Variants in CHST9 observed in about 807,000 individuals in gnomAD.
CHST9 encodes GalNAc-4-sulfotransferase 2.
In CHST9, 41 loss-of-function variants were observed where a neutral mutation model predicts 44.4. The ratio of observed to expected loss-of-function variants is 0.92; its 90% CI spans 0.72 to 1.20. The LOEUF is 1.20. Among genes scored for constraint, CHST9 ranks in the 50% most tolerant of loss-of-function variants. CHST9 has a pLI of 0.00. For synonymous variants in CHST9, 171 were observed against 178.4 expected (o/e 0.96, Z 0.33); for missense variants, 504 against 516.5 (o/e 0.98, Z 0.23).
intron 2 of CHST9, among the ~76,000 whole-genome samples, chr18:27,141,079 C>T (rs893193392): frequency 1.3e-5 from 2 of 152,042 alleles, no homozygotes; most frequent in East Asian, 1.9e-4. Flanking sequence ...CGAGCCTGGG[C>T]GGGGCACGGT....
At position 27,097,581 on chromosome 18, in the gene CHST9, G is replaced by T. The variant is rs578107569; in HGVS notation, c.121+45108C>A. On this transcript the variant is annotated intron_variant, in intron 2 of 5. Coordinates refer to ENST00000618847, the MANE Select transcript of CHST9 (RefSeq NM_031422.6). Reference sequence around the variant, plus strand: ...ATAAAATCAATATAAAAGTTCTTTAGTTTGATTAGATCACATTTGTCAGTT... The same window carrying T: ...ATAAAATCAATATAAAAGTTCTTTATTTTGATTAGATCACATTTGTCAGTT... 6.6e-5 allele frequency among the ~76,000 whole-genome samples: 10 copies of T among 152,140 alleles called. 1 individual carries two copies. In the South Asian group the frequency reaches 1.7e-3, roughly 25 times the overall value.
chr18:26,941,324 C>T (rs1288746091), intron 5 of CHST9, among the ~76,000 whole-genome samples: 1 of 152,120 alleles, frequency 6.6e-6, no homozygotes, highest in Non-Finnish European at 1.5e-5. Context: ...TGCACAAACA[C>T]AAGGTATTAA....
intron 2 of CHST9, among the ~76,000 whole-genome samples, chr18:27,086,175 T>C (rs2058010647): frequency 6.6e-6 from 1 of 152,110 alleles, no homozygotes; most frequent in African/African-American, 2.4e-5. Context: ...ACTGTGATCA[T>C]TGCCTGGATG....
At chr18:26,974,973 C>A (rs1334888383) in intron 4 of CHST9, among the ~76,000 whole-genome samples, 3 of 152,178 alleles carry the variant, frequency 2.0e-5, no homozygotes, top group African/African-American at 7.2e-5. Context: ...CTGCGCCCAG[C>A]CCAGGCGTAC....
Position 26,915,598 on chromosome 18 carries a change from T to G in CHST9, c.*661A>C, listed in dbSNP as rs1249962097. On this transcript the variant is annotated 3_prime_UTR_variant, in exon 6 of 6. Transcript: ENST00000618847. ...TCAAAAGAAAACAGAATCAATTCCC[T>G]TAAGTTTTTCTGGAAGAAGAAGGTT... is the stretch of plus-strand genomic sequence containing the variant. The G allele has an allele frequency of 6.6e-6, 1 of 152,186 alleles. No individual in the cohort carries two copies. The highest frequency in any genetic ancestry group is 1.5e-5 in the Non-Finnish European group (1 of 68,022). The allele number at this position is 152,186 out of a possible 1,614,324, so 9.4% of individuals were successfully genotyped here.
intron 4 of CHST9, among the ~76,000 whole-genome samples, chr18:26,994,513 C>T (rs2056862068): frequency 6.6e-6 from 1 of 152,134 alleles, no homozygotes; most frequent in African/African-American, 2.4e-5. Flanking sequence ...TCCCAAATGG[C>T]TCTCAGTGGT....
chr18:27,119,106 T>C (rs918262168), intron 2 of CHST9, among the ~76,000 whole-genome samples: 60 of 152,074 alleles, frequency 3.9e-4, no homozygotes, highest in Non-Finnish European at 1.5e-4. Flanking sequence ...GGGCAAGGGG[T>C]TGATTAGAGT....
chr18:27,172,111 CTTA>C (rs2058838006), intron 1 of CHST9, among the ~76,000 whole-genome samples: 1 of 152,096 alleles, frequency 6.6e-6, no homozygotes, highest in Non-Finnish European at 1.5e-5. Flanking sequence ...TGTGCAAAGT[CTTA>C]TTATCATATT....
chr18:27,068,329 T>C (rs2057803851), intron 2 of CHST9, among the ~76,000 whole-genome samples: 1 of 152,190 alleles, frequency 6.6e-6, no homozygotes, highest in Non-Finnish European at 1.5e-5. Context: ...TATTCATTTA[T>C]TTCTTTTATT....
chr18:27,043,452 G>A (rs576398341), intron 3 of CHST9, among the ~76,000 whole-genome samples: 9 of 151,880 alleles, frequency 5.9e-5, no homozygotes, highest in South Asian at 2.1e-4. Flanking sequence ...CTCTCTCCCC[G>A]TATTCCCTAC....
At chr18:27,092,585 T>G (rs1279820629) in intron 2 of CHST9, among the ~76,000 whole-genome samples, 1 of 152,216 alleles carries the variant, frequency 6.6e-6, no homozygotes, top group East Asian at 1.9e-4. Context: ...GGGCATTTAG[T>G]GCTATAAATT....
At chr18:26,954,404 C>A (rs1185068584) in intron 4 of CHST9, among the ~76,000 whole-genome samples, 5 of 152,132 alleles carry the variant, frequency 3.3e-5, no homozygotes, top group African/African-American at 1.2e-4. Flanking sequence ...CTCCCCTGGA[C>A]TATGCTGTTA....
At chr18:27,111,226 T>A (rs1275136996) in intron 2 of CHST9, among the ~76,000 whole-genome samples, 1 of 152,222 alleles carries the variant, frequency 6.6e-6, no homozygotes, top group African/African-American at 2.4e-5. Flanking sequence ...TCTTCCATTA[T>A]CATCAGAAAC....
intron 4 of CHST9, among the ~76,000 whole-genome samples, chr18:27,022,510 T>C (rs993728366): frequency 6.6e-6 from 1 of 152,206 alleles, no homozygotes; most frequent in Admixed American, 6.5e-5. Context: ...TTCGACCACT[T>C]AAAGGGTATC....
chr18:26,999,383 A>G (rs1050365099), intron 4 of CHST9, among the ~76,000 whole-genome samples: 5 of 152,210 alleles, frequency 3.3e-5, no homozygotes, highest in Admixed American at 1.3e-4. Context: ...TTCAAAATCA[A>G]TTCTGGAAGG....
At chr18:27,074,133 T>G (rs944203952) in intron 2 of CHST9, among the ~76,000 whole-genome samples, 4 of 152,206 alleles carry the variant, frequency 2.6e-5, no homozygotes, top group African/African-American at 9.6e-5. Flanking sequence ...CTGTTTACCA[T>G]GCACTTCAAA....
chr18:27,124,488 A>T (rs1006514523), intron 2 of CHST9, among the ~76,000 whole-genome samples: 9 of 152,192 alleles, frequency 5.9e-5, no homozygotes, highest in Non-Finnish European at 1.3e-4. Flanking sequence ...TTGAGGCAAA[A>T]ACACTTCAAA....
chr18:26,970,952 C>T (rs1598605467), intron 4 of CHST9, among the ~76,000 whole-genome samples: 1 of 152,152 alleles, frequency 6.6e-6, no homozygotes, highest in East Asian at 1.9e-4. Flanking sequence ...AATCTTTTCT[C>T]AGCTCTATTT....
chr18:26,967,379 A>T (rs575910354), intron 4 of CHST9, among the ~76,000 whole-genome samples: 90 of 152,286 alleles, frequency 5.9e-4, no homozygotes, highest in African/African-American at 2.1e-3. Context: ...CATGGTGTAG[A>T]TGCTCTTCAG....
Sources: allele counts gnomAD v4.1 joint callset (sites outside exome capture counted in the v4.1 genomes callset), GRCh38; gene constraint gnomAD v4.1.1; transcripts MANE v1.5; gene names NCBI Gene and HGNC (gene_info 2026-07-23, HGNC 2026-07-21).